KIAA1671: variants seen among roughly 807,000 people sequenced by gnomAD.
The protein encoded by KIAA1671 is uncharacterized protein KIAA1671.
Under a neutral mutation model 131.2 loss-of-function variants are expected in KIAA1671, and 52 were observed. The ratio of observed to expected loss-of-function variants is 0.40; its 90% confidence interval spans 0.32 to 0.50. The LOEUF is 0.50. KIAA1671 is among the 20% of genes least tolerant of loss of function. KIAA1671 has a pLI of 0.73. For missense variants in KIAA1671, 2,360 were observed against 2,364.2 expected (o/e 1.00, Z 0.04); for synonymous variants, 1,003 against 961.6 (o/e 1.04, Z -0.80).
At chr22:25,126,064 C>A (rs1009695635) in intron 6 of KIAA1671, among the ~76,000 whole-genome samples, 33 of 152,142 alleles carry the variant, frequency 2.2e-4, no homozygotes, top group Non-Finnish European at 4.0e-4. Context: ...TAAACAGTGG[C>A]TTTTATTGTC....
intron 1 of KIAA1671, among the ~76,000 whole-genome samples, chr22:24,972,083 T>C (rs1416121625): frequency 6.6e-6 from 1 of 152,138 alleles, no homozygotes; most frequent in Non-Finnish European, 1.5e-5. Context: ...TGGTGTTTAT[T>C]CCTAAAACCA....
intron 1 of KIAA1671, among the ~76,000 whole-genome samples, chr22:24,967,416 C>T (rs1234832535): frequency 6.6e-6 from 1 of 152,218 alleles, no homozygotes; most frequent in African/African-American, 2.4e-5. Flanking sequence ...AAAGCTCTGA[C>T]TCCATCAGAA....
At chr22:25,164,343 A>AT (rs1483711183) in intron 6 of KIAA1671, among the ~76,000 whole-genome samples, 2 of 151,884 alleles carry the variant, frequency 1.3e-5, no homozygotes, top group Non-Finnish European at 2.9e-5. Context: ...CTGGGCTTCC[A>AT]TTTTCTCATC....
At chr22:25,074,897 G>A (rs1434395302) in intron 6 of KIAA1671, among the ~76,000 whole-genome samples, 2 of 151,850 alleles carry the variant, frequency 1.3e-5, no homozygotes, top group Non-Finnish European at 2.9e-5. Flanking sequence ...TATATGCCCA[G>A]AAGAGGGATT....
At chr22:25,018,542 C>T (rs1321206246) in intron 1 of KIAA1671, among the ~76,000 whole-genome samples, 6 of 152,110 alleles carry the variant, frequency 3.9e-5, no homozygotes, top group South Asian at 2.1e-4. Flanking sequence ...TTTGAAACTC[C>T]GTATCCATTA....
At chr22:25,068,084 T>G (rs1231311954) in intron 6 of KIAA1671, among the ~76,000 whole-genome samples, 3 of 151,982 alleles carry the variant, frequency 2.0e-5, no homozygotes, top group Admixed American at 2.0e-4. Flanking sequence ...GCTGGGGCTG[T>G]CCTCTGACTG....
At chr22:25,145,959 A>G (rs1297500376) in intron 6 of KIAA1671, among the ~76,000 whole-genome samples, 1 of 151,902 alleles carries the variant, frequency 6.6e-6, no homozygotes, top group Admixed American at 6.6e-5. Flanking sequence ...AAAAAAAAAA[A>G]ACAACAACAA....
chr22:24,953,502 C>T (rs918058135), intron 1 of KIAA1671, among the ~76,000 whole-genome samples: 1 of 152,056 alleles, frequency 6.6e-6, no homozygotes, highest in Non-Finnish European at 1.5e-5. Flanking sequence ...GCCCCCCCTC[C>T]GCTCGTCTTC....
At chr22:25,184,117 G>T (rs1934387906) in intron 10 of KIAA1671, among the ~76,000 whole-genome samples, 1 of 152,216 alleles carries the variant, frequency 6.6e-6, no homozygotes, top group Non-Finnish European at 1.5e-5. Flanking sequence ...AGTGCTAGGC[G>T]ATTATTAACA....
chr22:24,973,173 T>C (rs1223526835), intron 1 of KIAA1671, among the ~76,000 whole-genome samples: 1 of 152,082 alleles, frequency 6.6e-6, no homozygotes, highest in Non-Finnish European at 1.5e-5. Context: ...TTGCCCTTCA[T>C]GGCAGGACTC....
chr22:25,132,001 T>C (rs1932463152), intron 6 of KIAA1671, among the ~76,000 whole-genome samples: 1 of 152,232 alleles, frequency 6.6e-6, no homozygotes, highest in Admixed American at 6.5e-5. Context: ...ATTATGGTGG[T>C]GGTGATGGCT....
At chr22:25,140,006 A>G (rs7291720) in intron 6 of KIAA1671, among the ~76,000 whole-genome samples, 11,240 of 152,310 alleles carry the variant, frequency 0.074, 1,342 homozygotes, top group African/African-American at 0.25. Flanking sequence ...ACAAATGATC[A>G]CAAACTTAGT....
At chr22:25,180,408 C>T (rs1448510097) in intron 9 of KIAA1671, among the ~76,000 whole-genome samples, 4 of 152,232 alleles carry the variant, frequency 2.6e-5, no homozygotes, top group East Asian at 1.9e-4. Context: ...CATGATGGCA[C>T]GTGCCTGTAA....
At position 25,000,184 on chromosome 22, in the gene KIAA1671, G is replaced by GTTTTT. The variant is rs1184771280; in HGVS notation, c.-207-25426_-207-25422dup. ...AGGTGTGAGCCACTGCTCCTCGCCT[G>GTTTTT]TTTTTTTTTTTTTTTTTTTTTTTTT... is the stretch of plus-strand genomic sequence containing the variant. On this transcript the variant is annotated intron_variant, in intron 1 of 12. Coordinates refer to ENST00000358431, the MANE Select transcript of KIAA1671 (RefSeq NM_001145206.2). 9.2e-4 allele frequency among the ~76,000 whole-genome samples: 57 copies of GTTTTT among 62,166 alleles called. 13 individuals are homozygous for GTTTTT. The highest frequency in any genetic ancestry group is 2.1e-3 in the African/African-American group (22 of 10,494). 40.8% of individuals were successfully genotyped at this position (62,166 alleles called of 152,430 possible).
chr22:25,171,567 T>C (rs746874852), intron 7 of KIAA1671, among the ~76,000 whole-genome samples: 7 of 151,756 alleles, frequency 4.6e-5, no homozygotes, highest in Non-Finnish European at 5.9e-5. Flanking sequence ...CAAAAAAAAT[T>C]AGCTGGGTGT....
At chr22:25,098,776 C>T (rs1183178829) in intron 6 of KIAA1671, among the ~76,000 whole-genome samples, 1 of 152,148 alleles carries the variant, frequency 6.6e-6, no homozygotes, top group African/African-American at 2.4e-5. Flanking sequence ...TGGAGTGACA[C>T]CCCTTTGTCA....
At chr22:25,179,706 T>C (rs1934198401) in intron 9 of KIAA1671, among the ~76,000 whole-genome samples, 1 of 152,232 alleles carries the variant, frequency 6.6e-6, no homozygotes, top group Non-Finnish European at 1.5e-5. Context: ...TTGAGGCTCT[T>C]TGAGTTACAA....
At chr22:25,088,511 G>A (rs1465809347) in intron 6 of KIAA1671, among the ~76,000 whole-genome samples, 1 of 152,204 alleles carries the variant, frequency 6.6e-6, no homozygotes, top group Non-Finnish European at 1.5e-5. Context: ...CACTAAGGAA[G>A]GGGTGACAGA....
At chr22:25,115,886 C>T (rs1931628965) in intron 6 of KIAA1671, among the ~76,000 whole-genome samples, 1 of 152,298 alleles carries the variant, frequency 6.6e-6, no homozygotes, top group Non-Finnish European at 1.5e-5. Flanking sequence ...AAGTGATTCT[C>T]CTGCCTCAGC....
Sources: gnomAD v4.1 joint callset for allele counts (sites outside exome capture counted in the v4.1 genomes callset) on GRCh38, gnomAD v4.1.1 for gene constraint, MANE v1.5 for transcripts, NCBI Gene and HGNC (gene_info 2026-07-23, HGNC 2026-07-21) for gene names.